The following ZNF564 variants were observed in gnomAD, a reference collection of about 807,000 sequenced individuals.
ZNF564 encodes zinc finger protein 564.
Under a neutral mutation model 10.5 loss-of-function variants are expected in ZNF564, and 5 were observed. The observed-to-expected ratio is 0.48, with a 90% CI of 0.25 to 1.00. The LOEUF is 1.00. ZNF564 is among the 50% of genes least tolerant of loss of function. ZNF564 has a pLI of 0.16. For synonymous variants in ZNF564, 242 were observed against 218.1 expected (o/e 1.11, Z -0.97); for missense variants, 603 against 669.7 (o/e 0.90, Z 1.10).
At chr19:12,528,253 TCATGA>T (rs1338915308) in intron 3 of ZNF564, 46 bp downstream of exon 3, 1 of 1,516,578 alleles carries the variant, frequency 6.6e-7, no homozygotes, top group African/African-American at 1.4e-5. Context: ...TTTTAAAATT[TCATGA>T]CATACTAAGA....
At chr19:12,539,542 C>CCTGTA (rs1226246095) in intron 1 of ZNF564, among the ~76,000 whole-genome samples, 1 of 149,404 alleles carries the variant, frequency 6.7e-6, no homozygotes, top group Admixed American at 6.7e-5. Flanking sequence ...GTGGCACGTA[C>CCTGTA]CTGTAGTCCC....
intron 1 of ZNF564, 150 bp downstream of exon 1, chr19:12,551,180 C>G (rs1047190264): frequency 1.1e-6 from 1 of 896,126 alleles, no homozygotes; most frequent in African/African-American, 1.7e-5. Flanking sequence ...ACCCTGCGGC[C>G]GAGGGGACAG....
chr19:12,548,839 A>G, intron 1 of ZNF564: 1 of 702,920 alleles, frequency 1.4e-6, no homozygotes, highest in South Asian at 1.5e-5. Flanking sequence ...CAGAACAGTT[A>G]TCCATTACGA....
chr19:12,545,244 A>T (rs547827061), intron 1 of ZNF564, among the ~76,000 whole-genome samples: 2 of 149,676 alleles, frequency 1.3e-5, no homozygotes, highest in Non-Finnish European at 1.5e-5. Flanking sequence ...CCTGGGCAAC[A>T]AGAGCAAAAT....
intron 1 of ZNF564, among the ~76,000 whole-genome samples, chr19:12,545,029 C>T (rs933266781): frequency 3.3e-5 from 5 of 151,942 alleles, no homozygotes; most frequent in Admixed American, 1.3e-4. Flanking sequence ...GAGGCCAAGG[C>T]GGGTGGATCA....
chr19:12,540,639 A>G lies in ZNF564; in HGVS notation c.3+10691T>C, dbSNP rs1468043654. On this transcript the variant is annotated intron_variant, in intron 1 of 3. Transcript: ENST00000339282. ...GGAGGCCAAGGCGGGCAGATCACAA[A>G]GTCAGGAGATCGCCACCATCCTGGC... Among the ~76,000 whole-genome samples, 15 of 152,086 alleles carry G rather than the reference A, an allele frequency of 9.9e-5. No homozygotes were observed. In the South Asian group the frequency reaches 1.5e-3, roughly 15 times the overall value.
At position 12,526,259 on chromosome 19, in the gene ZNF564, G is replaced by A. The variant is rs150399336; in HGVS notation, c.*187C>T. On this transcript the variant is annotated 3_prime_UTR_variant, in exon 4 of 4. Transcript: ENST00000339282. ...TGAGGCAAAATTCTTCTTCAGCTCC[G>A]AACCGGTGAAAACCAAACTAGTCAT... 1.1e-3 allele frequency: 625 copies of A among 557,392 alleles called. 3 individuals carry two copies. The highest frequency in any genetic ancestry group is 2.3e-3 in the East Asian group (74 of 32,604). 34.5% of individuals were successfully genotyped at this position (557,392 alleles called of 1,614,324 possible). A position where few individuals can be genotyped will look rare whatever the true frequency, so the allele number is the denominator to read the frequency against.
At chr19:12,533,783 C>G (rs887690050) in intron 1 of ZNF564, among the ~76,000 whole-genome samples, 6 of 58,032 alleles carry the variant, frequency 1.0e-4, no homozygotes, top group African/African-American at 3.3e-4. Flanking sequence ...TTCAGGAAAA[C>G]AGAAAAACAA....
chr19:12,532,246 A>T (rs566718197), intron 1 of ZNF564, among the ~76,000 whole-genome samples: 21 of 151,614 alleles, frequency 1.4e-4, no homozygotes, highest in South Asian at 6.2e-4. Flanking sequence ...AAAAAAAAAA[A>T]TTTTTTTGGC....
At chr19:12,530,517 A>G (rs190400557) in intron 1 of ZNF564, among the ~76,000 whole-genome samples, 1 of 152,302 alleles carries the variant, frequency 6.6e-6, no homozygotes, top group East Asian at 1.9e-4. Context: ...ATAACAAGGT[A>G]CCCTATGACT....
At chr19:12,530,908 A>T (rs573989966) in intron 1 of ZNF564, among the ~76,000 whole-genome samples, 2 of 152,254 alleles carry the variant, frequency 1.3e-5, no homozygotes, top group African/African-American at 4.8e-5. Flanking sequence ...CTAGAACTAT[A>T]GTCGCAAGAC....
chr19:12,551,076 C>T (rs986812967), intron 1 of ZNF564, among the ~76,000 whole-genome samples: 1 of 152,232 alleles, frequency 6.6e-6, no homozygotes, highest in Non-Finnish European at 1.5e-5. Flanking sequence ...GGGCTGCGGG[C>T]GCGGAGCTGC....
rs2021669702 is a variant in ZNF564, at chr19:12,525,790, T to C, written c.*656A>G. 6.6e-6 allele frequency: 1 copy of C among 152,222 alleles called. No homozygotes were observed. Among genetic ancestry groups the C allele is most frequent in the Non-Finnish European group, 1.5e-5 (1 of 68,048 alleles). 9.4% of individuals were successfully genotyped at this position (152,222 alleles called of 1,614,324 possible). A position where few individuals can be genotyped will look rare whatever the true frequency, so the allele number is the denominator to read the frequency against. On this transcript the variant is annotated 3_prime_UTR_variant, in exon 4 of 4. Transcript: ENST00000339282. Reference sequence around the variant, plus strand: ...GAAGTCCAATATCAAGGCACTGGCATAGTCCATGTCTGGTAAGGGCCTGCT... The same window carrying C: ...GAAGTCCAATATCAAGGCACTGGCACAGTCCATGTCTGGTAAGGGCCTGCT...
chr19:12,528,137 G>A (rs2021730967), intron 3 of ZNF564, among the ~76,000 whole-genome samples, 167 bp downstream of exon 3: 1 of 152,152 alleles, frequency 6.6e-6, no homozygotes, highest in South Asian at 2.1e-4. Context: ...ATTTCCAAGT[G>A]AATGATTTTG....
rs2021679859 is a variant in ZNF564 at position 12,526,336 on chromosome 19, T to C, written c.*110A>G. 9.6e-6 allele frequency: 11 copies of C among 1,148,926 alleles called. No individual in the cohort carries two copies. Among genetic ancestry groups the C allele is most frequent in the Non-Finnish European group, 2.4e-6 (2 of 817,714 alleles). The allele number at this position is 1,148,926 out of a possible 1,614,324, so 71.2% of individuals were successfully genotyped here. On this transcript the variant is annotated 3_prime_UTR_variant, in exon 4 of 4. Transcript: ENST00000339282. ...AGGATAGAGATTCCTATTCCAAAAG[T>C]GAGAAACAGGAGAAAGGGGTGAGCT...
intron 1 of ZNF564, chr19:12,548,638 C>G: frequency 1.8e-6 from 1 of 565,144 alleles, no homozygotes; most frequent in Non-Finnish European, 3.1e-6. Flanking sequence ...TCGCGGCTGG[C>G]AAGACATTTG....
intron 1 of ZNF564, among the ~76,000 whole-genome samples, chr19:12,531,036 C>T (rs557409859): frequency 6.6e-6 from 1 of 152,120 alleles, no homozygotes; most frequent in East Asian, 1.9e-4. Flanking sequence ...GTGTAAACCA[C>T]CACACCTGGC....
intron 1 of ZNF564, among the ~76,000 whole-genome samples, chr19:12,547,373 T>C (rs2022174485): frequency 6.6e-6 from 1 of 152,188 alleles, no homozygotes; most frequent in African/African-American, 2.4e-5. Flanking sequence ...TTTTTCTGCC[T>C]AACCTCTGGG....
At chr19:12,534,785 G>A (rs2021876752) in intron 1 of ZNF564, among the ~76,000 whole-genome samples, 1 of 152,160 alleles carries the variant, frequency 6.6e-6, no homozygotes. Flanking sequence ...CTGCACTCCA[G>A]CCTGGACGAC....
Sources: gnomAD v4.1 joint callset for allele counts (sites outside exome capture counted in the v4.1 genomes callset) on GRCh38, gnomAD v4.1.1 for gene constraint, MANE v1.5 for transcripts, NCBI Gene and HGNC (gene_info 2026-07-23, HGNC 2026-07-21) for gene names.